DIP2C: variants seen among roughly 807,000 people sequenced by gnomAD.
DIP2C encodes DIP2 acetate--CoA ligase C (putative).
Under a neutral mutation model 192.4 loss-of-function variants are expected in DIP2C, and 33 were observed. That is an observed-to-expected ratio of 0.17 (90% confidence interval 0.13 to 0.23). DIP2C has a LOEUF of 0.23. Among genes scored for constraint, DIP2C ranks in the 10% least tolerant of loss-of-function variants. The probability of loss-of-function intolerance (pLI) is 1.00; values close to 1 mark genes in which losing one functional copy is unlikely to be tolerated. For missense variants in DIP2C, 1,537 were observed against 2,110.1 expected (o/e 0.73, Z 5.32); for synonymous variants, 979 against 864.1 (o/e 1.13, Z -2.33).
chr10:582,790 G>A (rs964755830), intron 1 of DIP2C, among the ~76,000 whole-genome samples: 13 of 152,146 alleles, frequency 8.5e-5, no homozygotes, highest in African/African-American at 2.7e-4. Flanking sequence ...TAAATATAGT[G>A]GAATCAGACA....
intron 28 of DIP2C, among the ~76,000 whole-genome samples, chr10:342,058 C>T (rs2132565087): frequency 6.6e-6 from 1 of 152,318 alleles, no homozygotes; most frequent in African/African-American, 2.4e-5. Context: ...GTAAACCTCA[C>T]TCAGAACTGT....
At chr10:543,398 C>A (rs1848112771) in intron 1 of DIP2C, among the ~76,000 whole-genome samples, 1 of 152,222 alleles carries the variant, frequency 6.6e-6, no homozygotes, top group Non-Finnish European at 1.5e-5. Flanking sequence ...TCAGATGTGC[C>A]AAATTCCTGT....
At chr10:432,179 G>A (rs915972823) in intron 4 of DIP2C, among the ~76,000 whole-genome samples, 2 of 151,774 alleles carry the variant, frequency 1.3e-5, no homozygotes, top group African/African-American at 4.8e-5. Flanking sequence ...GTAATATTTT[G>A]TTCCAGTTTT....
At chr10:470,917 TTG>T (rs539839512) in intron 3 of DIP2C, among the ~76,000 whole-genome samples, 127 of 152,316 alleles carry the variant, frequency 8.3e-4, no homozygotes, top group South Asian at 5.6e-3. Context: ...TCTGGGTGTG[TTG>T]TGTGTTCACA....
At chr10:566,393 GC>G (rs1462792066) in intron 1 of DIP2C, among the ~76,000 whole-genome samples, 1 of 152,224 alleles carries the variant, frequency 6.6e-6, no homozygotes, top group Non-Finnish European at 1.5e-5. Context: ...TGGTGCATGA[GC>G]CGCTGACCCA....
At chr10:309,560 CTT>C (rs766027771) in intron 32 of DIP2C, among the ~76,000 whole-genome samples, 27 of 137,064 alleles carry the variant, frequency 2.0e-4, no homozygotes, top group Admixed American at 2.9e-4. Context: ...AACAGAGTTT[CTT>C]TTTTTTTTTT....
At chr10:495,803 TA>T (rs752040659) in intron 1 of DIP2C, among the ~76,000 whole-genome samples, 1 of 149,496 alleles carries the variant, frequency 6.7e-6, no homozygotes, top group Non-Finnish European at 1.5e-5. Flanking sequence ...CCCATGTACT[TA>T]AATCTCTACA....
rs550931898 is a variant in DIP2C at position 428,440 on chromosome 10, C to CT, written c.395-5408dup. The stretch of plus-strand genomic sequence containing the variant: ...ACCGGATATGAGTTGACAGCCCTTT[C>CT]TTCTCCTTTTAGTACTTTAAAAAAT... On this transcript the variant is annotated intron_variant, in intron 4 of 36. Transcript: ENST00000280886. 2.1e-3 allele frequency among the ~76,000 whole-genome samples: 323 copies of CT among 152,280 alleles called. 4 individuals are homozygous for CT. The highest frequency in any genetic ancestry group is 6.9e-3 in the African/African-American group (286 of 41,546).
intron 1 of DIP2C, among the ~76,000 whole-genome samples, chr10:671,746 G>A (rs1297491345): frequency 3.5e-5 from 3 of 85,168 alleles, no homozygotes; most frequent in Admixed American, 1.5e-4. Flanking sequence ...CGGAGGAAAC[G>A]TCACAGACGC....
chr10:655,673 T>C (rs1017755840), intron 1 of DIP2C, among the ~76,000 whole-genome samples: 3 of 152,194 alleles, frequency 2.0e-5, no homozygotes, highest in African/African-American at 7.2e-5. Flanking sequence ...TGCTATGCAA[T>C]ACTACGTTGT....
chr10:541,461 C>A (rs816643), intron 1 of DIP2C, among the ~76,000 whole-genome samples: 31,052 of 118,260 alleles, frequency 0.26, 6,518 homozygotes, highest in African/African-American at 0.61. Flanking sequence ...TGGACCCCCC[C>A]GAGTGACCCT....
At chr10:434,853 C>G (rs924659675) in intron 4 of DIP2C, among the ~76,000 whole-genome samples, 1 of 152,082 alleles carries the variant, frequency 6.6e-6, no homozygotes. Flanking sequence ...TATCTTTGAT[C>G]CTCTATAGGG....
chr10:440,626 T>A (rs1350759383), intron 4 of DIP2C, among the ~76,000 whole-genome samples: 1 of 152,248 alleles, frequency 6.6e-6, no homozygotes, highest in African/African-American at 2.4e-5. Context: ...TTTGAGATTT[T>A]ACTGGTATGT....
intron 29 of DIP2C, among the ~76,000 whole-genome samples, chr10:334,623 G>A (rs905820062): frequency 6.6e-6 from 1 of 152,156 alleles, no homozygotes; most frequent in Non-Finnish European, 1.5e-5. Flanking sequence ...GTTGAGTCAA[G>A]GTTTAATCTT....
chr10:592,089 G>GT (rs373697408), intron 1 of DIP2C, among the ~76,000 whole-genome samples: 3 of 152,124 alleles, frequency 2.0e-5, no homozygotes, highest in East Asian at 1.9e-4. Context: ...TCAACAAGAG[G>GT]TTTTTTTCTG....
intron 1 of DIP2C, among the ~76,000 whole-genome samples, chr10:579,808 C>T (rs1588508268): frequency 6.6e-6 from 1 of 151,916 alleles, no homozygotes; most frequent in East Asian, 1.9e-4. Flanking sequence ...TACATAGGTA[C>T]ACTATAATGT....
At chr10:461,067 G>A (rs1167052092) in intron 3 of DIP2C, among the ~76,000 whole-genome samples, 1 of 152,132 alleles carries the variant, frequency 6.6e-6, no homozygotes, top group Non-Finnish European at 1.5e-5. Context: ...ATATGGAGAC[G>A]AAAAACTGGT....
chr10:520,910 T>C (rs1028304961), intron 1 of DIP2C, among the ~76,000 whole-genome samples: 8 of 152,246 alleles, frequency 5.3e-5, no homozygotes, highest in Non-Finnish European at 1.0e-4. Context: ...TCATACACTG[T>C]TGGCTACATT....
chr10:347,369 C>T lies in DIP2C; in HGVS notation c.3231+1272G>A, dbSNP rs1390399933. 5.0e-5 allele frequency among the ~76,000 whole-genome samples: 7 copies of T among 140,626 alleles called. No homozygotes were observed. In the East Asian group the frequency reaches 9.1e-4, roughly 18 times the overall value. The allele number at this position is 140,626 out of a possible 152,430, so 92.3% of individuals were successfully genotyped here. A position where few individuals can be genotyped will look rare whatever the true frequency, so the allele number is the denominator to read the frequency against. On this transcript the variant is annotated intron_variant, in intron 26 of 36. Transcript: ENST00000280886. The stretch of plus-strand genomic sequence containing the variant: ...TCACACACACCCAACCCAGACACAT[C>T]GCGCATAGTTCTCCCGGAAACGTCA...
Sources: allele counts gnomAD v4.1 joint callset (sites outside exome capture counted in the v4.1 genomes callset), GRCh38; gene constraint gnomAD v4.1.1; transcripts MANE v1.5; gene names NCBI Gene and HGNC (gene_info 2026-07-23, HGNC 2026-07-21).